The following SPOP variants were observed in gnomAD, a reference collection of about 807,000 sequenced individuals.
SPOP encodes the protein speckle type BTB/POZ protein.
SPOP carries 11 observed loss-of-function variants against 45.6 expected under a neutral mutation model. The observed-to-expected ratio is 0.24, with a 90% CI of 0.15 to 0.40. The LOEUF is 0.40. Among genes scored for constraint, SPOP ranks in the 10% least tolerant of loss-of-function variants. SPOP has a pLI of 1.00. For synonymous variants in SPOP, 166 were observed against 166.3 expected (o/e 1.00, Z 0.01); for missense variants, 152 against 465.6 (o/e 0.33, Z 6.20).
chr17:49,621,928 A>G lies in SPOP; in HGVS notation c.200+18T>C. The G allele has an allele frequency of 3.1e-6, 5 of 1,612,114 alleles. No individual in the cohort carries two copies. The highest frequency in any genetic ancestry group is 4.2e-6 in the Non-Finnish European group (5 of 1,178,812). On this transcript the variant is annotated intron_variant, in intron 3 of 9. Coordinates refer to ENST00000504102, the MANE Select transcript of SPOP (RefSeq NM_001007228.2). Reference sequence around the variant, plus strand: ...CAACTTCAGAAAAATTTTTACAGTTAGACGTATTCTTCCTCACCATTTCAG... The same window carrying G: ...CAACTTCAGAAAAATTTTTACAGTTGGACGTATTCTTCCTCACCATTTCAG...
chr17:49,634,485 G>C (rs2072507990), intron 1 of SPOP, among the ~76,000 whole-genome samples: 1 of 152,196 alleles, frequency 6.6e-6, no homozygotes, highest in Non-Finnish European at 1.5e-5. Flanking sequence ...TCTCACAGCT[G>C]TTTTCCAATT....
chr17:49,627,169 T>G (rs901459323), intron 1 of SPOP, among the ~76,000 whole-genome samples: 2 of 152,150 alleles, frequency 1.3e-5, no homozygotes, highest in Admixed American at 1.3e-4. Flanking sequence ...AATTAAAGAA[T>G]CTGTGAAATC....
chr17:49,649,385 A>C (rs2072808896), intron 1 of SPOP, among the ~76,000 whole-genome samples: 1 of 152,116 alleles, frequency 6.6e-6, no homozygotes, highest in East Asian at 2.0e-4. Flanking sequence ...AAAAACACAA[A>C]AATTAGCTGG....
intron 1 of SPOP, among the ~76,000 whole-genome samples, chr17:49,653,657 T>G (rs1295486282): frequency 6.6e-6 from 1 of 151,806 alleles, no homozygotes; most frequent in East Asian, 1.9e-4. Flanking sequence ...TGACTCCCAC[T>G]TGAGCATCTA....
chr17:49,601,715 G>A (rs950267223), intron 9 of SPOP, 150 bp downstream of exon 9: 18 of 953,586 alleles, frequency 1.9e-5, no homozygotes, highest in Middle Eastern at 2.9e-4. Flanking sequence ...AATTCCATAC[G>A]GTCAACTGAA....
intron 6 of SPOP, among the ~76,000 whole-genome samples, chr17:49,608,845 G>C (rs1041844429): frequency 1.3e-5 from 2 of 151,926 alleles, no homozygotes; most frequent in Non-Finnish European, 2.9e-5. Context: ...AGCTAACAGA[G>C]AACTGGAAAT....
intron 8 of SPOP, among the ~76,000 whole-genome samples, chr17:49,602,968 C>G (rs1238846805): frequency 6.6e-6 from 1 of 152,118 alleles, no homozygotes; most frequent in African/African-American, 2.4e-5. Context: ...CAAGGAGGCA[C>G]AAAATAAAAT....
At chr17:49,667,327 C>A (rs1254327093) in intron 1 of SPOP, among the ~76,000 whole-genome samples, 1 of 149,486 alleles carries the variant, frequency 6.7e-6, no homozygotes, top group African/African-American at 2.5e-5. Context: ...CGGTGGCTCA[C>A]GCCTATAATC....
At chr17:49,631,861 C>T (rs2072457319) in intron 1 of SPOP, among the ~76,000 whole-genome samples, 1 of 152,170 alleles carries the variant, frequency 6.6e-6, no homozygotes, top group South Asian at 2.1e-4. Context: ...GGAGTCTTCC[C>T]TGACCACCCA....
chr17:49,637,325 G>C (rs970433086), intron 1 of SPOP, among the ~76,000 whole-genome samples: 2 of 152,054 alleles, frequency 1.3e-5, no homozygotes, highest in African/African-American at 2.4e-5. Flanking sequence ...ATTATACTTA[G>C]AAATGGAAGT....
chr17:49,629,407 T>C (rs1046072029), intron 1 of SPOP, among the ~76,000 whole-genome samples: 2 of 152,220 alleles, frequency 1.3e-5, no homozygotes, highest in African/African-American at 4.8e-5. Context: ...TTATTTCAGA[T>C]AAATTATATT....
At chr17:49,665,296 G>A (rs1400894643) in intron 1 of SPOP, among the ~76,000 whole-genome samples, 3 of 151,850 alleles carry the variant, frequency 2.0e-5, no homozygotes, top group African/African-American at 4.8e-5. Context: ...AATATATTTT[G>A]GACAACAAAT....
At chr17:49,660,679 T>C (rs942540511) in intron 1 of SPOP, among the ~76,000 whole-genome samples, 2 of 152,324 alleles carry the variant, frequency 1.3e-5, no homozygotes, top group African/African-American at 4.8e-5. Flanking sequence ...TAATAATTTA[T>C]TCTGGCCAGG....
intron 1 of SPOP, among the ~76,000 whole-genome samples, chr17:49,667,757 A>G (rs1055474353): frequency 1.1e-4 from 17 of 152,234 alleles, no homozygotes; most frequent in African/African-American, 3.6e-4. Flanking sequence ...CATATACCCA[A>G]AAGAACTGAA....
intron 1 of SPOP, among the ~76,000 whole-genome samples, chr17:49,676,612 AAGG>A (rs2073202836): frequency 6.6e-6 from 1 of 152,188 alleles, no homozygotes; most frequent in African/African-American, 2.4e-5. Flanking sequence ...CGGGATTGGC[AAGG>A]AGAACTGAAA....
chr17:49,652,782 C>T (rs1035438859), intron 1 of SPOP, among the ~76,000 whole-genome samples: 2 of 152,154 alleles, frequency 1.3e-5, no homozygotes, highest in Non-Finnish European at 1.5e-5. Context: ...GACCCAAATT[C>T]GCTTCAAATA....
At chr17:49,642,974 A>G (rs949452520) in intron 1 of SPOP, among the ~76,000 whole-genome samples, 1 of 152,254 alleles carries the variant, frequency 6.6e-6, no homozygotes, top group Non-Finnish European at 1.5e-5. Context: ...CACAATACTT[A>G]TTACCTGAAC....
intron 1 of SPOP, chr17:49,646,004 A>C (rs528102341): frequency 2.6e-5 from 4 of 152,288 alleles, no homozygotes; most frequent in Admixed American, 1.3e-4. Flanking sequence ...AGGTCAAATA[A>C]AGGGGAAAAA....
intron 8 of SPOP, among the ~76,000 whole-genome samples, chr17:49,604,694 G>T (rs144084779): frequency 1.3e-5 from 2 of 152,022 alleles, no homozygotes; most frequent in South Asian, 4.1e-4. Context: ...CTACTTGTCC[G>T]CCAACACAGG....
Sources: allele counts gnomAD v4.1 joint callset (sites outside exome capture counted in the v4.1 genomes callset), GRCh38; gene constraint gnomAD v4.1.1; transcripts MANE v1.5; gene names NCBI Gene and HGNC (gene_info 2026-07-23, HGNC 2026-07-21).